HERC4: variants seen among roughly 807,000 people sequenced by gnomAD.
HERC4 encodes the protein probable E3 ubiquitin-protein ligase HERC4.
A neutral mutation model predicts 124.3 loss-of-function variants in HERC4; 28 were observed. That is an observed-to-expected ratio of 0.23 (90% CI 0.17 to 0.31). HERC4 has a LOEUF of 0.31. Among genes scored for constraint, HERC4 ranks in the 10% least tolerant of loss-of-function variants. The probability of loss-of-function intolerance (pLI) is 1.00; values close to 1 mark genes in which losing one functional copy is unlikely to be tolerated. For missense variants in HERC4, 713 were observed against 1,229.3 expected (o/e 0.58, Z 6.28); for synonymous variants, 407 against 421.5 (o/e 0.97, Z 0.42).
At chr10:67,944,238 C>T (rs1392780726) in intron 19 of HERC4, among the ~76,000 whole-genome samples, 1 of 152,136 alleles carries the variant, frequency 6.6e-6, no homozygotes, top group African/African-American at 2.4e-5. Context: ...TCCCCCAGCT[C>T]CAGAGAGCTC....
intron 9 of HERC4, among the ~76,000 whole-genome samples, chr10:68,009,952 C>T (rs2037836597): frequency 6.6e-6 from 1 of 151,940 alleles, no homozygotes. Flanking sequence ...TTCTCTCTAC[C>T]TACTGTGTCC....
intron 16 of HERC4, chr10:67,961,416 C>T (rs2034511582): frequency 6.6e-6 from 1 of 152,352 alleles, no homozygotes; most frequent in African/African-American, 2.4e-5. Flanking sequence ...AGATTAACCA[C>T]TTCTTTGCTC....
chr10:68,018,269 GA>G (rs11298676), intron 8 of HERC4, among the ~76,000 whole-genome samples: 15,446 of 148,412 alleles, frequency 0.1, 1,142 homozygotes, highest in East Asian at 0.41. Context: ...CAGATTAAAG[GA>G]AAAAAAAATC....
At chr10:68,023,848 TAA>T (rs2038771145) in intron 8 of HERC4, among the ~76,000 whole-genome samples, 1 of 152,176 alleles carries the variant, frequency 6.6e-6, no homozygotes, top group Non-Finnish European at 1.5e-5. Flanking sequence ...GACCTCCATG[TAA>T]AAGGCAACAC....
chr10:67,968,096 G>A (rs1217139149), intron 15 of HERC4, among the ~76,000 whole-genome samples: 1 of 152,058 alleles, frequency 6.6e-6, no homozygotes, highest in African/African-American at 2.4e-5. Context: ...GGCAGAAACA[G>A]GAATGGACAC....
intron 8 of HERC4, among the ~76,000 whole-genome samples, chr10:68,015,979 T>C (rs1564550011): frequency 6.6e-6 from 1 of 152,292 alleles, no homozygotes; most frequent in East Asian, 1.9e-4. Flanking sequence ...GGCATGCGCC[T>C]GTAGTCCCAG....
At chr10:67,992,846 G>A (rs1235694700) in intron 9 of HERC4, 164 bp from the exon 10 acceptor site, 1 of 526,422 alleles carries the variant, frequency 1.9e-6, no homozygotes, top group Non-Finnish European at 3.4e-6. Flanking sequence ...CTATGGGGAT[G>A]AGACTGACCA....
At chr10:68,025,739 G>C in intron 7 of HERC4, 63 bp from the exon 8 acceptor site, 1 of 1,501,832 alleles carries the variant, frequency 6.7e-7, no homozygotes, top group African/African-American at 1.4e-5. Flanking sequence ...CTGATCTCCA[G>C]AAAAATAAGT....
At chr10:67,990,456 G>GAA (rs11422655) in intron 13 of HERC4, 56 bp from the exon 14 acceptor site, 257,706 of 610,826 alleles carry the variant, frequency 0.42, 24,971 homozygotes, top group Non-Finnish European at 0.47. Context: ...CACTTTCAAA[G>GAA]AAAAAAAAAA....
At chr10:67,969,860 A>G (rs1300403886) in intron 15 of HERC4, among the ~76,000 whole-genome samples, 2 of 152,184 alleles carry the variant, frequency 1.3e-5, no homozygotes, top group Non-Finnish European at 2.9e-5. Context: ...AACCAAGGCT[A>G]TACCACAACA....
intron 3 of HERC4, among the ~76,000 whole-genome samples, chr10:68,065,888 A>AGC (rs879844481): frequency 0.018 from 2,770 of 152,284 alleles, 42 homozygotes; most frequent in Middle Eastern, 0.034. Context: ...ATGTCTGTAT[A>AGC]ATTACACACA....
intron 7 of HERC4, among the ~76,000 whole-genome samples, chr10:68,027,816 G>A (rs963791964): frequency 2.6e-5 from 4 of 151,874 alleles, no homozygotes; most frequent in South Asian, 2.1e-4. Context: ...CCAGCTACTC[G>A]GGAGGCTGAG....
chr10:67,927,198 T>C (rs1157566940), intron 23 of HERC4, among the ~76,000 whole-genome samples: 2 of 151,876 alleles, frequency 1.3e-5, no homozygotes, highest in East Asian at 3.9e-4. Context: ...AGCATGTTAG[T>C]GGGGAATGAA....
intron 23 of HERC4, among the ~76,000 whole-genome samples, chr10:67,931,668 G>T (rs529793334): frequency 2.0e-5 from 3 of 152,080 alleles, no homozygotes; most frequent in Non-Finnish European, 2.9e-5. Context: ...CAGGTGATCC[G>T]CCCACCTTGG....
At chr10:68,006,375 G>GTTT (rs772576805) in intron 9 of HERC4, among the ~76,000 whole-genome samples, 3 of 134,032 alleles carry the variant, frequency 2.2e-5, no homozygotes, top group Non-Finnish European at 3.3e-5. Context: ...TTTTGTTTTT[G>GTTT]TTTTTTTTTT....
At chr10:68,063,953 G>T (rs562753484) in intron 3 of HERC4, among the ~76,000 whole-genome samples, 18 of 149,394 alleles carry the variant, frequency 1.2e-4, no homozygotes, top group South Asian at 6.4e-4. Context: ...TAATAATTAA[G>T]AAACAGAGGC....
chr10:67,939,559 T>A, intron 21 of HERC4, 29 bp downstream of exon 21: 1 of 1,451,306 alleles, frequency 6.9e-7, no homozygotes. Context: ...TGATAAATAA[T>A]CAGGCTAACC....
intron 15 of HERC4, among the ~76,000 whole-genome samples, chr10:67,983,075 C>CAAAAAAAAAAA (rs60021463): frequency 3.9e-5 from 3 of 76,768 alleles, no homozygotes; most frequent in African/African-American, 8.4e-5. Context: ...TTGCACTGAG[C>CAAAAAAAAAAA]AAAAAAAAAA....
chr10:68,007,233 T>C (rs971490472), intron 9 of HERC4, among the ~76,000 whole-genome samples: 2 of 152,118 alleles, frequency 1.3e-5, no homozygotes, highest in African/African-American at 2.4e-5. Flanking sequence ...GCTTGATCAA[T>C]TCTGCTGTTG....
Sources: gnomAD v4.1 joint callset for allele counts (sites outside exome capture counted in the v4.1 genomes callset) on GRCh38, gnomAD v4.1.1 for gene constraint, MANE v1.5 for transcripts, NCBI Gene and HGNC (gene_info 2026-07-23, HGNC 2026-07-21) for gene names.